Variants in QTGAL observed in about 807,000 individuals in gnomAD.
QTGAL encodes queuosine-tRNA galactosyltransferase.
chr17:82,963,422 G>A, the QTGAL span, among the ~76,000 whole-genome samples: 3 of 152,220 alleles, frequency 2.0e-5, no homozygotes, highest in Non-Finnish European at 2.9e-5. Context: ...ATTGGAGTCC[G>A]CGGAACGCAG....
the QTGAL span, among the ~76,000 whole-genome samples, chr17:83,013,662 C>T: frequency 2.0e-5 from 3 of 151,766 alleles, no homozygotes; most frequent in African/African-American, 4.8e-5. Flanking sequence ...GTGACTGAAC[C>T]GTGTGGTGAC....
the QTGAL span, among the ~76,000 whole-genome samples, chr17:82,972,404 A>G: frequency 8.1e-6 from 1 of 123,754 alleles, no homozygotes; most frequent in Admixed American, 7.9e-5. Flanking sequence ...CAGGGGCTAG[A>G]AGGACCTGGT....
At chr17:82,979,644 G>A in the QTGAL span, among the ~76,000 whole-genome samples, 1 of 152,152 alleles carries the variant, frequency 6.6e-6, no homozygotes, top group South Asian at 2.1e-4. Flanking sequence ...GGGACAAATA[G>A]TGAATTGGAA....
chr17:83,008,539 C>G, the QTGAL span, among the ~76,000 whole-genome samples: 8 of 152,326 alleles, frequency 5.3e-5, no homozygotes, highest in Non-Finnish European at 1.0e-4. Context: ...CCTGCCTGCC[C>G]TCCTCACATG....
At chr17:83,049,660 CAAT>C in the QTGAL span, among the ~76,000 whole-genome samples, 2 of 152,254 alleles carry the variant, frequency 1.3e-5, no homozygotes, top group East Asian at 3.9e-4. Context: ...CCACAAAAAA[CAAT>C]GTTTTAACAA....
chr17:82,958,674 G>A, the QTGAL span, among the ~76,000 whole-genome samples: 7,687 of 152,218 alleles, frequency 0.05, 438 homozygotes, highest in African/African-American at 0.14. Flanking sequence ...CACTGTCAGG[G>A]AGGTCCTGCC....
the QTGAL span, among the ~76,000 whole-genome samples, chr17:83,003,863 T>C: frequency 2.8e-4 from 2 of 7,152 alleles, no homozygotes; most frequent in Admixed American, 1.1e-3. Context: ...ATTCCTGAGC[T>C]CGCCCTCCCA....
the QTGAL span, among the ~76,000 whole-genome samples, chr17:82,970,595 CCCGGCGTGGCCGCG>C: frequency 2.1e-4 from 28 of 135,746 alleles, 5 homozygotes; most frequent in African/African-American, 6.4e-4. Context: ...GACCTCCGCA[CCCGGCGTGGCCGCG>C]ACCTCCCCAC....
chr17:83,005,100 C>T, the QTGAL span: 9 of 1,588,482 alleles, frequency 5.7e-6, no homozygotes, highest in Admixed American at 3.4e-5. This position sits in a 1 kb window ranked among gnomAD's most constrained non-coding sequence, Gnocchi z 5.6. Flanking sequence ...CCAGACAAGG[C>T]GCCAGGCGAG....
chr17:83,047,304 A>G, the QTGAL span, among the ~76,000 whole-genome samples: 1 of 152,104 alleles, frequency 6.6e-6, no homozygotes, highest in South Asian at 2.1e-4. Context: ...CTCATGTCCT[A>G]ATCACCTCCC....
the QTGAL span, among the ~76,000 whole-genome samples, chr17:83,044,264 A>G: frequency 6.6e-6 from 1 of 152,270 alleles, no homozygotes; most frequent in South Asian, 2.1e-4. Flanking sequence ...TGAATCCAGC[A>G]GTATACTAGA....
chr17:82,981,498 C>T, the QTGAL span: 10 of 152,280 alleles, frequency 6.6e-5, no homozygotes, highest in Admixed American at 6.5e-4. Flanking sequence ...ACAAGTTAGA[C>T]AATGTGACCT....
the QTGAL span, among the ~76,000 whole-genome samples, chr17:82,979,059 C>T: frequency 8.4e-3 from 1,271 of 152,144 alleles, 3 homozygotes; most frequent in Non-Finnish European, 0.012. Flanking sequence ...TCAGCTTCCA[C>T]ATTAGAAAAA....
chr17:83,013,707 C>CG, the QTGAL span, among the ~76,000 whole-genome samples: 1 of 151,956 alleles, frequency 6.6e-6, no homozygotes, highest in Non-Finnish European at 1.5e-5. Flanking sequence ...CACAGCCCCG[C>CG]GGGGGGAGGG....
At chr17:83,043,003 A>G in the QTGAL span, among the ~76,000 whole-genome samples, 1 of 152,266 alleles carries the variant, frequency 6.6e-6, no homozygotes, top group African/African-American at 2.4e-5. Context: ...AACTGTACAC[A>G]TCTAACAAGA....
chr17:82,990,615 T>A, the QTGAL span, among the ~76,000 whole-genome samples: 1 of 152,362 alleles, frequency 6.6e-6, no homozygotes, highest in Admixed American at 6.5e-5. Context: ...GTTTGGGGAT[T>A]CAGTTAGATG....
chr17:82,957,409 T>G, the QTGAL span: 1 of 1,613,054 alleles, frequency 6.2e-7, no homozygotes, highest in Non-Finnish European at 8.5e-7. Flanking sequence ...CGCCCCTGCT[T>G]GCCAGCGTTC....
the QTGAL span, among the ~76,000 whole-genome samples, chr17:82,973,935 G>A: frequency 6.6e-6 from 1 of 152,068 alleles, no homozygotes; most frequent in South Asian, 2.1e-4. Context: ...TGGGCCCCGT[G>A]TACCTGTGTG....
At chr17:83,031,669 G>A in the QTGAL span, among the ~76,000 whole-genome samples, 88 of 152,368 alleles carry the variant, frequency 5.8e-4, 2 homozygotes, top group South Asian at 0.011. Context: ...GTCACGTGAC[G>A]AGAACGGTGT....
Sources: gnomAD v4.1 joint callset for allele counts (sites outside exome capture counted in the v4.1 genomes callset) on GRCh38, gnomAD v4.1.1 for gene constraint, Gnocchi (gnomAD v3.1) non-coding constraint, MANE v1.5 for transcripts, NCBI Gene and HGNC (gene_info 2026-07-23, HGNC 2026-07-21) for gene names.